MOB3B: variants seen among roughly 807,000 people sequenced by gnomAD.
MOB3B encodes MOB kinase activator-like 2B.
MOB3B carries 7 observed loss-of-function variants against 18.7 expected under a neutral mutation model. The observed-to-expected ratio is 0.37, with a 90% CI of 0.21 to 0.70. The LOEUF is 0.70. Among genes scored for constraint, MOB3B ranks in the 30% least tolerant of loss-of-function variants. MOB3B has a pLI of 0.52. For missense variants in MOB3B, 253 were observed against 281.3 expected, an observed-to-expected ratio of 0.90 and a Z score of 0.72; for synonymous variants, 111 against 99.9, an observed-to-expected ratio of 1.11 and a Z score of -0.66.
chr9:27,506,966 C>G (rs1262263464), intron 1 of MOB3B, among the ~76,000 whole-genome samples: 1 of 151,954 alleles, frequency 6.6e-6, no homozygotes, highest in Non-Finnish European at 1.5e-5. Flanking sequence ...AGGGATGAGC[C>G]ACTGCGCCCA....
At chr9:27,466,641 G>A (rs373593936) in intron 1 of MOB3B, among the ~76,000 whole-genome samples, 17 of 152,162 alleles carry the variant, frequency 1.1e-4, no homozygotes, top group African/African-American at 4.1e-4. Flanking sequence ...TGGTTGGGGA[G>A]GCCTCAGAAT....
chr9:27,339,989 A>T (rs1820916642), intron 3 of MOB3B, among the ~76,000 whole-genome samples: 1 of 152,238 alleles, frequency 6.6e-6, no homozygotes, highest in Admixed American at 6.5e-5. Context: ...CTAAGTATAT[A>T]CAGGATCCAA....
At chr9:27,448,921 C>T (rs1265873662) in intron 2 of MOB3B, among the ~76,000 whole-genome samples, 2 of 152,138 alleles carry the variant, frequency 1.3e-5, no homozygotes, top group Admixed American at 1.3e-4. Flanking sequence ...TAACCTTGCC[C>T]AACGTTATTT....
chr9:27,506,499 T>C (rs1456321093), intron 1 of MOB3B, among the ~76,000 whole-genome samples: 1 of 151,760 alleles, frequency 6.6e-6, no homozygotes, highest in African/African-American at 2.4e-5. Flanking sequence ...TGGTAGGCAC[T>C]GTGCCAGACC....
At chr9:27,455,947 T>G (rs940671894) in intron 1 of MOB3B, among the ~76,000 whole-genome samples, 199 bp from the exon 2 acceptor site, 4 of 152,210 alleles carry the variant, frequency 2.6e-5, no homozygotes, top group African/African-American at 4.8e-5. Flanking sequence ...AGAAAAGGCA[T>G]CACACTTGTT....
intron 1 of MOB3B, among the ~76,000 whole-genome samples, chr9:27,509,531 C>G (rs1820110390): frequency 6.6e-6 from 1 of 152,082 alleles, no homozygotes; most frequent in Non-Finnish European, 1.5e-5. Context: ...ATCCTCCCAC[C>G]TCAGCCTCCC....
At chr9:27,423,414 T>TA (rs1822285094) in intron 2 of MOB3B, among the ~76,000 whole-genome samples, 1 of 143,484 alleles carries the variant, frequency 7.0e-6, no homozygotes, top group Non-Finnish European at 1.5e-5. Context: ...TTTTTTTTTT[T>TA]AACTTACCTA....
At chr9:27,434,461 C>CT (rs144586530) in intron 2 of MOB3B, among the ~76,000 whole-genome samples, 26,911 of 151,982 alleles carry the variant, frequency 0.18, 2,656 homozygotes, top group Middle Eastern at 0.27. Flanking sequence ...TATGCTTTAA[C>CT]CCACAAGTGC....
At chr9:27,522,155 T>A (rs1373028646) in intron 1 of MOB3B, among the ~76,000 whole-genome samples, 2 of 140,144 alleles carry the variant, frequency 1.4e-5, no homozygotes, top group African/African-American at 5.3e-5. Context: ...GGCAGGAGAA[T>A]CGCTTGAACC....
At chr9:27,451,660 T>C (rs2131445250) in intron 2 of MOB3B, among the ~76,000 whole-genome samples, 1 of 152,272 alleles carries the variant, frequency 6.6e-6, no homozygotes, top group Middle Eastern at 3.4e-3. Flanking sequence ...CCCCTCCCAA[T>C]TCCCAAGCAG....
At chr9:27,447,617 C>T (rs572523924) in intron 2 of MOB3B, among the ~76,000 whole-genome samples, 2 of 152,300 alleles carry the variant, frequency 1.3e-5, no homozygotes, top group African/African-American at 4.8e-5. Flanking sequence ...TCTTCAGGCC[C>T]TCTAAGGGCC....
At chr9:27,456,097 AC>A (rs1192553481) in intron 1 of MOB3B, among the ~76,000 whole-genome samples, 1 of 151,914 alleles carries the variant, frequency 6.6e-6, no homozygotes, top group East Asian at 1.9e-4. Flanking sequence ...TTAGAGCCCC[AC>A]CCCCCAACAA....
intron 2 of MOB3B, among the ~76,000 whole-genome samples, chr9:27,453,351 G>A (rs552159688): frequency 6.6e-6 from 1 of 152,276 alleles, no homozygotes; most frequent in South Asian, 2.1e-4. Flanking sequence ...ATACAAGTAT[G>A]CAATGGAGGC....
In MOB3B at chr9:27,329,232, C is replaced by G. The variant is rs1444028420; in HGVS notation, c.*1355G>C. ...ATATTTTGCTAAATTAAAAGGATCACTGGAAGTATTATGACCCCCCTCGTC... is the reference window on the plus strand; with the variant it reads ...ATATTTTGCTAAATTAAAAGGATCAGTGGAAGTATTATGACCCCCCTCGTC... On this transcript the variant is annotated 3_prime_UTR_variant, in exon 4 of 4. Transcript: ENST00000262244. The G allele has an allele frequency of 6.6e-6, 1 of 152,150 alleles. No homozygotes were observed. 9.4% of individuals were successfully genotyped at this position (152,150 alleles called of 1,614,324 possible). A position where few individuals can be genotyped will look rare whatever the true frequency, so the allele number is the denominator to read the frequency against.
At chr9:27,415,671 A>C (rs1822134793) in intron 2 of MOB3B, among the ~76,000 whole-genome samples, 1 of 152,206 alleles carries the variant, frequency 6.6e-6, no homozygotes, top group Admixed American at 6.5e-5. Flanking sequence ...CCATCAGCTA[A>C]CTGTGTGAGA....
At chr9:27,399,008 G>A (rs1821839258) in intron 2 of MOB3B, among the ~76,000 whole-genome samples, 1 of 151,462 alleles carries the variant, frequency 6.6e-6, no homozygotes, top group Non-Finnish European at 1.5e-5. Context: ...GCAGGGGGGT[G>A]GGAAACAGAC....
In MOB3B at chr9:27,378,483, C is replaced by A. The variant is rs1044573413; in HGVS notation, c.419-19247G>T. 1.1e-5 allele frequency: 5 copies of A among 471,174 alleles called. No homozygotes were observed. The East Asian group carries it at 3.5e-4, about 33-fold the overall frequency. 29.2% of individuals were successfully genotyped at this position (471,174 alleles called of 1,614,324 possible). A position where few individuals can be genotyped will look rare whatever the true frequency, so the allele number is the denominator to read the frequency against. On this transcript the variant is annotated intron_variant, in intron 2 of 3. Transcript: ENST00000262244. ...TGATTACATTCACCACTACTCCTGG[C>A]GCAAGGGCAAAAGCCAGGGTTTAGT...
At chr9:27,526,947 A>G (rs1820445628) in intron 1 of MOB3B, among the ~76,000 whole-genome samples, 1 of 152,240 alleles carries the variant, frequency 6.6e-6, no homozygotes, top group Non-Finnish European at 1.5e-5. Flanking sequence ...CTACAGGGAA[A>G]TATGGCAATC....
At position 27,487,100 on chromosome 9, in the gene MOB3B, C is replaced by T. The variant is rs1206162286; in HGVS notation, c.-198-31352G>A. ...GAGCCAAGGTCTCACCATTGCACTC[C>T]AGCCTGGGCAACACAGTAAGATTCT... On this transcript the variant is annotated intron_variant, in intron 1 of 3. Coordinates refer to ENST00000262244, the MANE Select transcript of MOB3B (RefSeq NM_024761.5). 2.1e-5 allele frequency among the ~76,000 whole-genome samples: 3 copies of T among 144,054 alleles called. No homozygotes were observed. In the Admixed American group the frequency reaches 2.2e-4, roughly 10 times the overall value. 94.5% of individuals were successfully genotyped at this position (144,054 alleles called of 152,430 possible).
Sources: allele counts gnomAD v4.1 joint callset (sites outside exome capture counted in the v4.1 genomes callset), GRCh38; gene constraint gnomAD v4.1.1; transcripts MANE v1.5; gene names NCBI Gene and HGNC (gene_info 2026-07-23, HGNC 2026-07-21).